LINGO3: variants seen among roughly 807,000 people sequenced by gnomAD.
The protein encoded by LINGO3 is leucine rich repeat and Ig domain containing 3, also known as leucine-rich repeat and immunoglobulin-like domain-containing nogo receptor-interacting protein 3.
For missense variants in LINGO3, 750 were observed against 867.7 expected (o/e 0.86, Z 1.70); for synonymous variants, 427 against 444.2 (o/e 0.96, Z 0.49).
the LINGO3 span, among the ~76,000 whole-genome samples, chr19:2,305,615 T>C: frequency 1.3e-5 from 2 of 152,142 alleles, no homozygotes; most frequent in Non-Finnish European, 2.9e-5. Flanking sequence ...GGGCAAGGGA[T>C]GCTGACATCT....
the LINGO3 span, among the ~76,000 whole-genome samples, chr19:2,299,654 G>A: frequency 1.3e-5 from 2 of 149,088 alleles, no homozygotes; most frequent in Non-Finnish European, 3.0e-5. Context: ...TCGATCTCCT[G>A]ACCTGGTGAT....
chr19:2,289,949 G>A (rs2025501457), exon 1 of LINGO3: 23 of 1,434,560 alleles, frequency 1.6e-5, no homozygotes, highest in Non-Finnish European at 2.2e-5. Context: ...GGACACGCGA[G>A]CGGCCGGCCC....
Position 2,290,768 on chromosome 19 carries a change from T to C in LINGO3, c.1009A>G (p.Thr337Ala), listed in dbSNP as rs201223390. ...TCTAGCGTGTTCACCGAGTGGAAGG[T>C]GCTCTCCTCCAACGTGGAGAGCAGG... The change falls in exon 1 of 1, where the codon ACC (threonine) becomes GCC (alanine). Residue 337 changes from threonine (T) to alanine (A), a missense_variant. Thr to Ala is a moderately conservative substitution (Grantham distance 58, BLOSUM62 0). Transcript: ENST00000585527. This position sits in a 1 kb window ranked among gnomAD's most constrained non-coding sequence, Gnocchi z 6.0. The C allele has an allele frequency of 1.2e-6, 2 of 1,608,608 alleles. No homozygotes were observed. The highest frequency in any genetic ancestry group is 1.7e-6 in the Non-Finnish European group (2 of 1,178,494).
downstream of LINGO3, among the ~76,000 whole-genome samples, chr19:2,287,414 C>T (rs1263684512): frequency 1.3e-5 from 2 of 152,080 alleles, no homozygotes; most frequent in Admixed American, 6.6e-5. This position sits in a 1 kb window ranked among gnomAD's most constrained non-coding sequence, Gnocchi z 4.5. Context: ...TAAGCAGAGT[C>T]AGACAGGTGC....
chr19:2,290,308 G>C lies in LINGO3; in HGVS notation c.1469C>G (p.Thr490Ser). Residue 490 changes from threonine to serine, a missense_variant, in exon 1 of 1, where the codon ACC becomes AGC. Transcript: ENST00000585527. This position sits in a 1 kb window ranked among gnomAD's most constrained non-coding sequence, Gnocchi z 6.0. Reference sequence around the variant, plus strand: ...GCGCACGGTCAGCGTGGCGAAGTAGGTGTCGTTGCCGCCCGCGTTGCTGGC... The same window carrying C: ...GCGCACGGTCAGCGTGGCGAAGTAGCTGTCGTTGCCGCCCGCGTTGCTGGC... 6.4e-7 allele frequency: 1 copy of C among 1,569,792 alleles called. No individual in the cohort carries two copies. Among genetic ancestry groups the C allele is most frequent in the Non-Finnish European group, 8.6e-7 (1 of 1,164,300 alleles).
At chr19:2,289,868 C>CA (rs546480091) in exon 1 of LINGO3, 5 of 746,100 alleles carry the variant, frequency 6.7e-6, no homozygotes, top group Non-Finnish European at 1.1e-5. Flanking sequence ...TGGGCGTCTA[C>CA]AAAAAAAGGG....
rs2025505363 is a variant in LINGO3, at chr19:2,290,303, A to G, written c.1474T>C (p.Phe492Leu). 2 of 1,574,790 alleles carry G rather than the reference A, an allele frequency of 1.3e-6. No homozygotes were observed. Among genetic ancestry groups the G allele is most frequent in the African/African-American group, 1.4e-5 (1 of 73,712 alleles). ...TCGGGGCGCACGGTCAGCGTGGCGAAGTAGGTGTCGTTGCCGCCCGCGTTG... is the reference window on the plus strand; with the variant it reads ...TCGGGGCGCACGGTCAGCGTGGCGAGGTAGGTGTCGTTGCCGCCCGCGTTG... The change falls in exon 1 of 1, where the codon TTC becomes CTC. Residue 492 changes from phenylalanine to leucine, a missense_variant. By Grantham distance (22) the Phe-to-Leu change is conservative. Transcript: ENST00000585527. This position sits in a 1 kb window ranked among gnomAD's most constrained non-coding sequence, Gnocchi z 6.0.
Position 2,291,554 on chromosome 19 carries a change from C to T in LINGO3, c.223G>A (p.Ala75Thr), listed in dbSNP as rs753173891. The change falls in exon 1 of 1, where the codon GCC becomes ACC. Residue 75 changes from alanine (A) to threonine (T), a missense_variant. By Grantham distance (58) the Ala-to-Thr change is moderately conservative (BLOSUM62 0). Coordinates refer to ENST00000585527, the Ensembl canonical transcript of LINGO3. ...AGCTCCTCCAGCGCGGGCAGCGCGG[C>T]CAGGTCGCCCGGGTTCAGGCAGCGG... The T allele has an allele frequency of 3.1e-6, 5 of 1,591,682 alleles. No homozygotes were observed. The East Asian group carries it at 1.1e-4, about 36-fold the overall frequency.
chr19:2,298,520 C>T, the LINGO3 span, among the ~76,000 whole-genome samples: 3 of 150,344 alleles, frequency 2.0e-5, no homozygotes, highest in Non-Finnish European at 4.4e-5. Flanking sequence ...GCATGAGCCA[C>T]CGTGCTGGGC....
exon 1 of LINGO3, chr19:2,291,471 C>A (rs1488041021): frequency 6.2e-7 from 1 of 1,612,746 alleles, no homozygotes; most frequent in Non-Finnish European, 8.5e-7. Flanking sequence ...CGCGCAGGCG[C>A]GGCAGGTTGG....
chr19:2,291,110 C>T (rs1447517725), exon 1 of LINGO3: 1 of 1,608,402 alleles, frequency 6.2e-7, no homozygotes, highest in East Asian at 2.2e-5. Flanking sequence ...TGCAGCAGCC[C>T]GGGCAGCCTG....
chr19:2,291,230 G>A, exon 1 of LINGO3: 1 of 1,611,394 alleles, frequency 6.2e-7, no homozygotes, highest in East Asian at 2.2e-5. Context: ...AGGTTGCAGC[G>A]CTCCAGGGTC....
chr19:2,295,977 G>A (rs1273546256), upstream of LINGO3, among the ~76,000 whole-genome samples: 3 of 151,762 alleles, frequency 2.0e-5, no homozygotes, highest in Non-Finnish European at 2.9e-5. Context: ...TAGGAAACTC[G>A]AGGGAGGGAG....
At chr19:2,300,682 C>G in the LINGO3 span, among the ~76,000 whole-genome samples, 1 of 152,126 alleles carries the variant, frequency 6.6e-6, no homozygotes, top group Non-Finnish European at 1.5e-5. Context: ...CCAGAGTCCT[C>G]CCTCGCTCTG....
chr19:2,293,278 A>C (rs890551644), upstream of LINGO3, among the ~76,000 whole-genome samples: 10 of 151,112 alleles, frequency 6.6e-5, no homozygotes, highest in Non-Finnish European at 1.2e-4. Context: ...GTTAGCCAGG[A>C]TGGTCTCGAT....
exon 1 of LINGO3, chr19:2,291,228 G>T (rs376171216): frequency 4.7e-5 from 75 of 1,611,262 alleles, no homozygotes; most frequent in Non-Finnish European, 3.1e-5. Flanking sequence ...TGAGGTTGCA[G>T]CGCTCCAGGG....
At chr19:2,292,531 C>G (rs2025535550), upstream of LINGO3, among the ~76,000 whole-genome samples, 1 of 151,818 alleles carries the variant, frequency 6.6e-6, no homozygotes, top group Admixed American at 6.6e-5. Flanking sequence ...ACTCTGTCAT[C>G]CAGGCTGGAG....
upstream of LINGO3, among the ~76,000 whole-genome samples, chr19:2,294,430 C>T (rs915762289): frequency 1.3e-5 from 2 of 152,140 alleles, no homozygotes; most frequent in Admixed American, 6.5e-5. This position sits in a 1 kb window ranked among gnomAD's most constrained non-coding sequence, Gnocchi z 4.3. Flanking sequence ...GCATATATTT[C>T]GGTTGTTTTA....
At chr19:2,291,848 C>T in exon 1 of LINGO3, 1 of 1,225,092 alleles carries the variant, frequency 8.2e-7, no homozygotes, top group Non-Finnish European at 1.1e-6. Context: ...GAGCGGGCAG[C>T]GTTAGCACCG....
Sources: allele counts gnomAD v4.1 joint callset (sites outside exome capture counted in the v4.1 genomes callset), GRCh38; gene constraint gnomAD v4.1.1; non-coding constraint Gnocchi (gnomAD v3.1); transcripts MANE v1.5; gene names NCBI Gene and HGNC (gene_info 2026-07-23, HGNC 2026-07-21).